Variants in TMOD1 observed in about 807,000 individuals in gnomAD.
TMOD1 encodes tropomodulin-1.
Under a neutral mutation model 40.6 loss-of-function variants are expected in TMOD1, and 17 were observed. That is an observed-to-expected ratio of 0.42 (90% CI 0.29 to 0.63). TMOD1 has a LOEUF of 0.63. TMOD1 is among the 20% of genes least tolerant of loss of function. TMOD1 has a pLI of 0.22. For synonymous variants in TMOD1, 181 were observed against 175.0 expected (o/e 1.03, Z -0.27); for missense variants, 391 against 447.6 (o/e 0.87, Z 1.14).
chr9:97,512,456 A>T (rs1339547934), intron 1 of TMOD1, among the ~76,000 whole-genome samples: 1 of 152,232 alleles, frequency 6.6e-6, no homozygotes, highest in African/African-American at 2.4e-5. Context: ...ACCAAAAGAC[A>T]TATTCATAGC....
intron 2 of TMOD1, among the ~76,000 whole-genome samples, chr9:97,533,298 G>T (rs1830130706): frequency 6.6e-6 from 1 of 152,222 alleles, no homozygotes; most frequent in South Asian, 2.1e-4. Context: ...GTGATTAGAT[G>T]AAAAGCACCT....
intron 6 of TMOD1, among the ~76,000 whole-genome samples, chr9:97,565,035 C>T (rs73550762): frequency 0.069 from 10,482 of 152,296 alleles, 1,231 homozygotes; most frequent in African/African-American, 0.24. Context: ...GCTAAAGTGA[C>T]GCTCTGAGAG....
At chr9:97,579,713 T>C (rs962285182) in intron 8 of TMOD1, among the ~76,000 whole-genome samples, 5 of 152,212 alleles carry the variant, frequency 3.3e-5, no homozygotes, top group Non-Finnish European at 5.9e-5. Flanking sequence ...GCTACTGTAT[T>C]GGACAATACC....
intron 3 of TMOD1, among the ~76,000 whole-genome samples, 192 bp from the exon 4 acceptor site, chr9:97,553,089 G>A (rs1175458954): frequency 6.6e-6 from 1 of 152,164 alleles, no homozygotes; most frequent in Non-Finnish European, 1.5e-5. Context: ...CTTTTCAAGT[G>A]TGAGGGGTGC....
intron 2 of TMOD1, among the ~76,000 whole-genome samples, chr9:97,525,064 A>G (rs750807608): frequency 6.6e-6 from 1 of 151,562 alleles, no homozygotes; most frequent in Non-Finnish European, 1.5e-5. Context: ...ATCTCTTTAA[A>G]CCATACTTAA....
At chr9:97,591,682 C>T (rs916458346) in intron 9 of TMOD1, among the ~76,000 whole-genome samples, 24 of 152,156 alleles carry the variant, frequency 1.6e-4, no homozygotes, top group African/African-American at 5.8e-4. Context: ...CAGGCTGGGC[C>T]CAGAGCACAC....
chr9:97,574,078 C>T (rs2805805), intron 8 of TMOD1, among the ~76,000 whole-genome samples: 27,147 of 152,186 alleles, frequency 0.18, 2,612 homozygotes, highest in Non-Finnish European at 0.2. Context: ...AGCCCTCCCT[C>T]GCTCTCGGCG....
chr9:97,600,470 C>T lies in TMOD1; in HGVS notation c.*772C>T. ...GTTAGAACTTTTTCCTTATTGAATGCCAACCTTATGATGGATGTGAAAATC... is the reference window on the plus strand; with the variant it reads ...GTTAGAACTTTTTCCTTATTGAATGTCAACCTTATGATGGATGTGAAAATC... On this transcript the variant is annotated 3_prime_UTR_variant, in exon 10 of 10. Transcript: ENST00000259365. 1 of 985,564 alleles carries T rather than the reference C, an allele frequency of 1.0e-6. No homozygotes were observed. Among genetic ancestry groups the T allele is most frequent in the African/African-American group, 1.7e-5 (1 of 57,356 alleles). 61.1% of individuals were successfully genotyped at this position (985,564 alleles called of 1,614,324 possible).
At chr9:97,508,390 A>C (rs546614540) in intron 1 of TMOD1, among the ~76,000 whole-genome samples, 1 of 151,988 alleles carries the variant, frequency 6.6e-6, no homozygotes, top group Non-Finnish European at 1.5e-5. Flanking sequence ...GGGTTTCGCC[A>C]TGTTGGTCAG....
At chr9:97,596,851 G>A (rs867054612) in intron 9 of TMOD1, among the ~76,000 whole-genome samples, 2 of 152,198 alleles carry the variant, frequency 1.3e-5, no homozygotes, top group South Asian at 2.1e-4. Context: ...ACCTGGGAAG[G>A]TCTGACCACT....
chr9:97,521,253 C>T (rs1458077893), intron 1 of TMOD1, among the ~76,000 whole-genome samples: 1 of 152,188 alleles, frequency 6.6e-6, no homozygotes, highest in South Asian at 2.1e-4. Context: ...ATTCTGCTTG[C>T]AACCTATTCC....
chr9:97,520,382 C>G (rs781104729), intron 1 of TMOD1, among the ~76,000 whole-genome samples: 2 of 152,162 alleles, frequency 1.3e-5, no homozygotes, highest in Non-Finnish European at 2.9e-5. Flanking sequence ...CTCTTCTAAG[C>G]CATATTTTAA....
chr9:97,552,818 T>C (rs1010632244), intron 3 of TMOD1, among the ~76,000 whole-genome samples: 6 of 152,228 alleles, frequency 3.9e-5, no homozygotes, highest in African/African-American at 1.4e-4. Flanking sequence ...TATTCCGTTA[T>C]GAATCTGACA....
chr9:97,531,034 C>CCA (rs1183019058), intron 2 of TMOD1, among the ~76,000 whole-genome samples: 2 of 76,396 alleles, frequency 2.6e-5, no homozygotes, highest in Non-Finnish European at 2.7e-5. Context: ...GTGATCCACA[C>CCA]CCACCCCCCC....
intron 8 of TMOD1, among the ~76,000 whole-genome samples, chr9:97,577,679 G>A (rs1825641605): frequency 6.6e-6 from 1 of 152,082 alleles, no homozygotes; most frequent in African/African-American, 2.4e-5. Context: ...GCTGAGGCAG[G>A]AGCATCGCTT....
In TMOD1 at chr9:97,502,014, G is replaced by A. The variant is rs1829509615; in HGVS notation, c.-49+211G>A. On this transcript the variant is annotated intron_variant, in intron 1 of 9. Coordinates refer to ENST00000259365, the MANE Select transcript of TMOD1 (RefSeq NM_003275.4). This position sits in a 1 kb window ranked among gnomAD's most constrained non-coding sequence, Gnocchi z 6.1. Reference sequence around the variant, plus strand: ...TCGGGGTTCCGAGCCCAGCGCTCCCGTCCCCGCCTCCCCGCGCGCGCAGCC... The same window carrying A: ...TCGGGGTTCCGAGCCCAGCGCTCCCATCCCCGCCTCCCCGCGCGCGCAGCC... 6.6e-6 allele frequency among the ~76,000 whole-genome samples: 1 copy of A among 152,048 alleles called. No individual in the cohort carries two copies. The highest frequency in any genetic ancestry group is 1.5e-5 in the Non-Finnish European group (1 of 67,968).
intron 6 of TMOD1, among the ~76,000 whole-genome samples, chr9:97,565,320 C>G (rs905038126): frequency 6.6e-6 from 1 of 152,184 alleles, no homozygotes; most frequent in Non-Finnish European, 1.5e-5. Flanking sequence ...CTGGGCCGGC[C>G]CAAGCATCAC....
chr9:97,525,575 G>C (rs1440816559), intron 2 of TMOD1, among the ~76,000 whole-genome samples: 1 of 152,224 alleles, frequency 6.6e-6, no homozygotes, highest in African/African-American at 2.4e-5. Flanking sequence ...AAAGGCCTAG[G>C]CCATTAGTAG....
chr9:97,567,335 G>A (rs545439845), intron 7 of TMOD1, among the ~76,000 whole-genome samples: 49 of 152,326 alleles, frequency 3.2e-4, no homozygotes, highest in African/African-American at 1.1e-3. Context: ...CAGACCAACA[G>A]CTGATATCAG....
Sources: gnomAD v4.1 joint callset for allele counts (sites outside exome capture counted in the v4.1 genomes callset) on GRCh38, gnomAD v4.1.1 for gene constraint, Gnocchi (gnomAD v3.1) non-coding constraint, MANE v1.5 for transcripts, NCBI Gene and HGNC (gene_info 2026-07-23, HGNC 2026-07-21) for gene names.